The following DDX4 variants were observed in gnomAD, a reference collection of about 807,000 sequenced individuals.
DDX4 encodes the protein probable ATP-dependent RNA helicase DDX4.
A neutral mutation model predicts 100.0 loss-of-function variants in DDX4; 25 were observed. The ratio of observed to expected loss-of-function variants is 0.25; its 90% CI spans 0.18 to 0.35. DDX4 has a LOEUF of 0.35. DDX4 is among the 10% of genes least tolerant of loss of function. The probability of loss-of-function intolerance (pLI) is 1.00; values close to 1 mark genes in which losing one functional copy is unlikely to be tolerated. For missense variants in DDX4, 635 were observed against 882.4 expected, an observed-to-expected ratio of 0.72 and a Z score of 3.55; for synonymous variants, 259 against 275.7, an observed-to-expected ratio of 0.94 and a Z score of 0.60.
intron 7 of DDX4, among the ~76,000 whole-genome samples, chr5:55,773,689 A>G (rs1741388673): frequency 6.6e-6 from 1 of 152,064 alleles, no homozygotes; most frequent in African/African-American, 2.4e-5. Context: ...CTCTGTCACA[A>G]TTTCGGCTCA....
intron 9 of DDX4, 102 bp downstream of exon 9, chr5:55,781,248 T>TAA: frequency 1.1e-6 from 1 of 878,138 alleles, no homozygotes. Context: ...TAGTTTGGCT[T>TAA]ATGATTTTCT....
chr5:55,758,909 G>C (rs1239729760), intron 3 of DDX4, among the ~76,000 whole-genome samples: 2 of 128,264 alleles, frequency 1.6e-5, no homozygotes, highest in African/African-American at 5.8e-5. Context: ...GAGGCAGACA[G>C]ACAAGGTCTC....
At chr5:55,782,203 T>G in intron 10 of DDX4, 1 of 542,802 alleles carries the variant, frequency 1.8e-6, no homozygotes, top group Non-Finnish European at 3.3e-6. Flanking sequence ...AATTCCATTA[T>G]AGGAATTATA....
intron 3 of DDX4, among the ~76,000 whole-genome samples, chr5:55,758,920 T>C (rs1760115036): frequency 6.7e-6 from 1 of 150,032 alleles, no homozygotes; most frequent in African/African-American, 2.4e-5. Flanking sequence ...ACAAGGTCTC[T>C]TTCTGTTTCC....
At chr5:55,760,353 G>A (rs1740449928) in intron 4 of DDX4, 76 bp downstream of exon 4, 3 of 1,420,684 alleles carry the variant, frequency 2.1e-6, no homozygotes, top group Non-Finnish European at 2.8e-6. Context: ...TGGCCATTTG[G>A]TACAAAGCTA....
At chr5:55,806,712 T>C (rs1743748306) in intron 18 of DDX4, among the ~76,000 whole-genome samples, 1 of 152,234 alleles carries the variant, frequency 6.6e-6, no homozygotes, top group South Asian at 2.1e-4. Context: ...ATTTCTGTTC[T>C]TTAACATTTG....
intron 10 of DDX4, among the ~76,000 whole-genome samples, chr5:55,783,659 A>G (rs974633997): frequency 1.5e-5 from 2 of 137,622 alleles, no homozygotes; most frequent in Non-Finnish European, 3.1e-5. Flanking sequence ...GGATGGATGG[A>G]TGGATGGATG....
intron 3 of DDX4, among the ~76,000 whole-genome samples, chr5:55,758,868 TAAAAAAAAAAAAAAAAA>T (rs35392036): frequency 0.22 from 15,717 of 72,088 alleles, 1,246 homozygotes; most frequent in Middle Eastern, 0.35. Context: ...TTTGTTTCCT[TAAAAAAAAAAAAAAAAA>T]AAAAAAAAAA....
At chr5:55,757,545 G>A (rs749970985) in intron 3 of DDX4, among the ~76,000 whole-genome samples, 8 of 152,124 alleles carry the variant, frequency 5.3e-5, no homozygotes, top group Non-Finnish European at 1.2e-4. Context: ...ATTGCGAATT[G>A]TGCTGCTATA....
intron 3 of DDX4, among the ~76,000 whole-genome samples, chr5:55,748,148 A>T (rs890920659): frequency 2.6e-5 from 4 of 152,354 alleles, no homozygotes; most frequent in African/African-American, 9.6e-5. Context: ...TATCTTTTAT[A>T]AGCATTTAAA....
intron 6 of DDX4, among the ~76,000 whole-genome samples, chr5:55,764,467 C>G (rs184201794): frequency 1.3e-5 from 2 of 152,178 alleles, no homozygotes; most frequent in Admixed American, 1.3e-4. Flanking sequence ...AAATTAAAGA[C>G]AATTCCATTG....
At chr5:55,751,511 AG>A (rs1374912433) in intron 3 of DDX4, among the ~76,000 whole-genome samples, 1 of 152,236 alleles carries the variant, frequency 6.6e-6, no homozygotes, top group Non-Finnish European at 1.5e-5. Flanking sequence ...CTGGGATTAT[AG>A]GCGTGAGCCA....
In DDX4 at chr5:55,739,011, C is replaced by G. The variant is rs758602067; in HGVS notation, c.48C>G (p.Ser16=). 4 of 1,599,096 alleles carry G rather than the reference C, an allele frequency of 2.5e-6. No homozygotes were observed. The highest frequency in any genetic ancestry group is 2.6e-6 in the Non-Finnish European group (3 of 1,167,172). Residue 16 remains serine (S), a synonymous_variant, in exon 2 of 22, where the codon TCC becomes TCG. Transcript: ENST00000505374. ...WEAEINPHMS[S]YVPIFEKDRY... ...CAGAAATCAACCCTCATATGTCTTC[C>G]TATGTTCCCATATTTGAGAAGGTAA...
intron 8 of DDX4, 85 bp from the exon 9 acceptor site, chr5:55,780,976 GATACC>G (rs1334530208): frequency 1.8e-6 from 2 of 1,142,466 alleles, no homozygotes; most frequent in African/African-American, 3.1e-5. Flanking sequence ...TTTAACTTCT[GATACC>G]ATAACTTGAT....
Position 55,816,664 on chromosome 5 carries a change from T to A in DDX4, c.*124T>A. 1 of 1,441,788 alleles carries A rather than the reference T, an allele frequency of 6.9e-7. No individual in the cohort carries two copies. Among genetic ancestry groups the A allele is most frequent in the Non-Finnish European group, 9.2e-7 (1 of 1,091,444 alleles). The allele number at this position is 1,441,788 out of a possible 1,614,324, so 89.3% of individuals were successfully genotyped here. On this transcript the variant is annotated 3_prime_UTR_variant, in exon 22 of 22. Transcript: ENST00000505374. Reference sequence around the variant, plus strand: ...GCTCCTGTCCTTGTATTCTCACTCCTACACTTAAAAAAAAAATCCTTACTG... The same window carrying A: ...GCTCCTGTCCTTGTATTCTCACTCCAACACTTAAAAAAAAAATCCTTACTG...
chr5:55,790,546 GA>G, intron 15 of DDX4, 29 bp from the exon 16 acceptor site: 2 of 1,475,346 alleles, frequency 1.4e-6, no homozygotes, highest in Non-Finnish European at 1.9e-6. Flanking sequence ...TAAGTAACTA[GA>G]AAATAACATT....
rs370927745 is a variant in DDX4, at chr5:55,758,238, T to C, written c.128-1962T>C. Among the ~76,000 whole-genome samples, 45 of 152,354 alleles carry C rather than the reference T, an allele frequency of 3.0e-4. No homozygotes were observed. The East Asian group carries it at 3.1e-3, about 10-fold the overall frequency. On this transcript the variant is annotated intron_variant, in intron 3 of 21. Coordinates refer to ENST00000505374, the MANE Select transcript of DDX4 (RefSeq NM_024415.3). ...GTTGTGTGTTACCTTTTTTTAGATATGGTAGTGTTAAATACCCTTGCATAC... is the reference window on the plus strand; with the variant it reads ...GTTGTGTGTTACCTTTTTTTAGATACGGTAGTGTTAAATACCCTTGCATAC...
At chr5:55,756,312 T>C (rs1242063533) in intron 3 of DDX4, among the ~76,000 whole-genome samples, 1 of 152,176 alleles carries the variant, frequency 6.6e-6, no homozygotes, top group Admixed American at 6.5e-5. Flanking sequence ...TGTGTTTTAA[T>C]GAGATCACCA....
chr5:55,773,176 G>C (rs909207180), intron 7 of DDX4: 1 of 152,518 alleles, frequency 6.6e-6, no homozygotes, highest in Non-Finnish European at 1.5e-5. Context: ...TCTTCTCTCT[G>C]TGTCCTCACA....
Sources: allele counts gnomAD v4.1 joint callset (sites outside exome capture counted in the v4.1 genomes callset), GRCh38; gene constraint gnomAD v4.1.1; transcripts MANE v1.5; gene names NCBI Gene and HGNC (gene_info 2026-07-23, HGNC 2026-07-21).